APP: variants seen among roughly 807,000 people sequenced by gnomAD.
The protein encoded by APP is amyloid-beta precursor protein.
In APP, 31 loss-of-function variants were observed where a neutral mutation model predicts 101.4. The observed-to-expected ratio is 0.31, with a 90% confidence interval of 0.23 to 0.41. The LOEUF is 0.41. APP is among the 10% of genes least tolerant of loss of function. The probability of loss-of-function intolerance (pLI) is 1.00; values close to 1 mark genes in which losing one functional copy is unlikely to be tolerated. For missense variants in APP, 839 were observed against 1,003.7 expected (o/e 0.84, Z 2.22); for synonymous variants, 366 against 364.4 (o/e 1.00, Z -0.05).
At chr21:26,063,415 A>G (rs2046346735) in intron 3 of APP, among the ~76,000 whole-genome samples, 1 of 152,166 alleles carries the variant, frequency 6.6e-6, no homozygotes, top group Admixed American at 6.5e-5. Flanking sequence ...TTTTAATACT[A>G]TTCTCCAATA....
chr21:26,109,080 G>C (rs1456324668), intron 2 of APP, among the ~76,000 whole-genome samples: 1 of 152,144 alleles, frequency 6.6e-6, no homozygotes, highest in African/African-American at 2.4e-5. Context: ...CCGTGGGTGG[G>C]TGGTAGGCAG....
At chr21:25,997,210 T>C (rs1057343896) in intron 8 of APP, 150 bp downstream of exon 8, 1 of 754,042 alleles carries the variant, frequency 1.3e-6, no homozygotes, top group Non-Finnish European at 2.3e-6. Flanking sequence ...TCAGATGTAA[T>C]TACAAGCAAG....
intron 17 of APP, among the ~76,000 whole-genome samples, chr21:25,885,930 A>G (rs1489335232): frequency 6.6e-6 from 1 of 152,142 alleles, no homozygotes; most frequent in East Asian, 1.9e-4. Flanking sequence ...TATTGCCCCT[A>G]GAGTATTTAC....
chr21:25,895,670 T>C lies in APP; in HGVS notation c.2064+1903A>G, dbSNP rs989849333. ...CAATCTGGAAAGGCAATATAAAATA[T>C]AGCAAATGAAGCAACTTCTAAAAGT... On this transcript the variant is annotated intron_variant, in intron 16 of 17. Coordinates refer to ENST00000346798, the MANE Select transcript of APP (RefSeq NM_000484.4). Among the ~76,000 whole-genome samples, 13 of 152,286 alleles carry C rather than the reference T, an allele frequency of 8.5e-5. No individual in the cohort carries two copies. The East Asian group carries it at 1.3e-3, about 16-fold the overall frequency.
chr21:25,898,332 C>G (rs1015643750), intron 15 of APP, among the ~76,000 whole-genome samples: 6 of 152,154 alleles, frequency 3.9e-5, no homozygotes, highest in African/African-American at 1.4e-4. Flanking sequence ...TCTTCCTTTT[C>G]TATAAATTGC....
At chr21:26,164,021 C>T (rs772560322) in intron 1 of APP, among the ~76,000 whole-genome samples, 6 of 151,980 alleles carry the variant, frequency 3.9e-5, no homozygotes, top group Non-Finnish European at 8.8e-5. Context: ...CCGAGGCAGG[C>T]GGATCACGAG....
chr21:25,920,051 G>C (rs1204878689), intron 13 of APP, among the ~76,000 whole-genome samples: 1 of 112,566 alleles, frequency 8.9e-6, no homozygotes, highest in Non-Finnish European at 1.8e-5. Context: ...CTACAAGCCA[G>C]AAGAGAGTGG....
At chr21:25,899,301 G>A (rs1014588141) in intron 15 of APP, among the ~76,000 whole-genome samples, 2 of 152,164 alleles carry the variant, frequency 1.3e-5, no homozygotes, top group Non-Finnish European at 2.9e-5. Context: ...AGATGTCATA[G>A]TTTAAAATAT....
chr21:26,165,192 T>A lies in APP; in HGVS notation c.57+5372A>T, dbSNP rs929264191. ...AAGTAATTTGTCAATAAGTGAAACA[T>A]CATCTAGATTTTTAACTTTCAACTA... On this transcript the variant is annotated intron_variant, in intron 1 of 17. Transcript: ENST00000346798. 9.8e-5 allele frequency among the ~76,000 whole-genome samples: 15 copies of A among 152,346 alleles called. 1 individual carries two copies. The highest frequency in any genetic ancestry group is 6.5e-4 in the Admixed American group (10 of 15,308).
chr21:26,143,413 C>T (rs73168393), intron 1 of APP, among the ~76,000 whole-genome samples: 14,759 of 152,200 alleles, frequency 0.097, 917 homozygotes, highest in Admixed American at 0.15. Flanking sequence ...TTCTTTTATT[C>T]TTCCCTAGCT....
At chr21:26,123,798 T>A (rs1177305357) in intron 1 of APP, among the ~76,000 whole-genome samples, 2 of 152,158 alleles carry the variant, frequency 1.3e-5, no homozygotes, top group Non-Finnish European at 2.9e-5. Flanking sequence ...AATGTTACTA[T>A]CAGTTTCAGT....
intron 6 of APP, among the ~76,000 whole-genome samples, chr21:26,010,667 AT>A (rs984939715): frequency 1.3e-5 from 2 of 149,840 alleles, no homozygotes; most frequent in African/African-American, 2.5e-5. Flanking sequence ...AAAAAAAAAA[AT>A]ATATTAGCCG....
intron 15 of APP, 167 bp from the exon 16 acceptor site, chr21:25,897,840 A>T (rs1319634220): frequency 6.3e-6 from 4 of 631,570 alleles, no homozygotes; most frequent in African/African-American, 5.5e-5. Context: ...TAAAACTTCA[A>T]TTACTACCTA....
At chr21:26,157,430 C>T (rs1307542269) in intron 1 of APP, among the ~76,000 whole-genome samples, 1 of 152,134 alleles carries the variant, frequency 6.6e-6, no homozygotes, top group Non-Finnish European at 1.5e-5. Flanking sequence ...AAACCAACAG[C>T]AGAAAGTAAA....
intron 8 of APP, among the ~76,000 whole-genome samples, chr21:25,983,744 C>T (rs1224953238): frequency 1.3e-5 from 2 of 152,128 alleles, no homozygotes; most frequent in East Asian, 3.9e-4. Context: ...ATGTTGCTTT[C>T]AAGTGGAAGG....
At position 25,888,032 on chromosome 21, in the gene APP, A is replaced by G. The variant is rs145330302; in HGVS notation, c.2211+3690T>C. ...GCATTTTTCACTCTAAAAACAAAAA[A>G]TCTCCTGGAAACCAAAGCTTTCATC... On this transcript the variant is annotated intron_variant, in intron 17 of 17. Coordinates refer to ENST00000346798, the MANE Select transcript of APP (RefSeq NM_000484.4). Among the ~76,000 whole-genome samples, 82 of 152,218 alleles carry G rather than the reference A, an allele frequency of 5.4e-4. 1 individual carries two copies. Among genetic ancestry groups the G allele is most frequent in the South Asian group, 2.1e-4 (1 of 4,810 alleles).
At chr21:26,053,626 TA>T (rs991961241) in intron 3 of APP, 3 of 334,090 alleles carry the variant, frequency 9.0e-6, no homozygotes, top group Non-Finnish European at 1.7e-5. Context: ...AAATTAATCC[TA>T]AAAAAGCTGC....
intron 13 of APP, among the ~76,000 whole-genome samples, chr21:25,915,714 A>G (rs1314813511): frequency 6.6e-6 from 1 of 152,236 alleles, no homozygotes; most frequent in African/African-American, 2.4e-5. Context: ...CTTGGCAGTA[A>G]AAAGGCAGAG....
At chr21:26,089,787 C>T (rs1417108200) in intron 3 of APP, 156 bp downstream of exon 3, 3 of 1,129,422 alleles carry the variant, frequency 2.7e-6, no homozygotes, top group Non-Finnish European at 3.8e-6. Context: ...GGTCAGTGCA[C>T]AGAATGTAAC....
Sources: allele counts gnomAD v4.1 joint callset (sites outside exome capture counted in the v4.1 genomes callset), GRCh38; gene constraint gnomAD v4.1.1; transcripts MANE v1.5; gene names NCBI Gene and HGNC (gene_info 2026-07-23, HGNC 2026-07-21).